The following INTS15 variants were observed in gnomAD, a reference collection of about 807,000 sequenced individuals.
INTS15 encodes integrator complex subunit 15.
chr7:6,590,267 GC>G, the INTS15 span: 2 of 1,501,780 alleles, frequency 1.3e-6, no homozygotes, highest in African/African-American at 2.9e-5. Flanking sequence ...CGGCGCGGGG[GC>G]CGCGGCGGCC....
At chr7:6,598,734 T>TG in the INTS15 span, among the ~76,000 whole-genome samples, 12 of 138,166 alleles carry the variant, frequency 8.7e-5, no homozygotes, top group African/African-American at 1.4e-4. Flanking sequence ...GGCTGTATGC[T>TG]TTGTGTGTGT....
At chr7:6,592,016 A>T in the INTS15 span, 4 of 653,486 alleles carry the variant, frequency 6.1e-6, no homozygotes, top group Non-Finnish European at 1.0e-5. Flanking sequence ...TACTAAAAAT[A>T]CAAAATTAGC....
chr7:6,596,785 T>G, the INTS15 span, among the ~76,000 whole-genome samples: 1 of 149,796 alleles, frequency 6.7e-6, no homozygotes, highest in Non-Finnish European at 1.5e-5. Context: ...TCTTTCTTTC[T>G]TGTTGTTTGT....
the INTS15 span, among the ~76,000 whole-genome samples, chr7:6,598,769 G>GTGTA: frequency 9.6e-6 from 1 of 104,392 alleles, no homozygotes; most frequent in Admixed American, 1.0e-4. Context: ...GTGTGTGTGT[G>GTGTA]TGTGTGTGTG....
chr7:6,591,114 G>A, the INTS15 span, among the ~76,000 whole-genome samples: 1 of 152,030 alleles, frequency 6.6e-6, no homozygotes, highest in South Asian at 2.1e-4. Flanking sequence ...GGAATTACAG[G>A]CGTGAGCCAC....
chr7:6,603,889 A>G, the INTS15 span, among the ~76,000 whole-genome samples: 3 of 151,966 alleles, frequency 2.0e-5, no homozygotes, highest in South Asian at 2.1e-4. Context: ...AATCCCAGCT[A>G]TTCATTCGGG....
chr7:6,593,702 A>G, the INTS15 span, among the ~76,000 whole-genome samples: 3 of 142,832 alleles, frequency 2.1e-5, no homozygotes, highest in Non-Finnish European at 4.5e-5. Context: ...GCTGGAGTGC[A>G]GTGGTGTGAC....
chr7:6,599,760 C>T, the INTS15 span: 3 of 1,502,126 alleles, frequency 2.0e-6, no homozygotes, highest in African/African-American at 4.1e-5. Flanking sequence ...GTCAGGCTTC[C>T]CTCTCTCCAC....
the INTS15 span, chr7:6,608,072 G>GGCCC: frequency 7.0e-6 from 11 of 1,580,424 alleles, no homozygotes; most frequent in Non-Finnish European, 9.5e-6. Context: ...GGCTGTCCCG[G>GGCCC]CCCACCCCGC....
the INTS15 span, among the ~76,000 whole-genome samples, chr7:6,601,562 C>T: frequency 4.6e-5 from 7 of 152,232 alleles, no homozygotes; most frequent in Admixed American, 2.0e-4. Flanking sequence ...TCCCAAAATG[C>T]TGGGATTACA....
the INTS15 span, among the ~76,000 whole-genome samples, chr7:6,606,591 C>T: frequency 2.6e-5 from 4 of 152,008 alleles, no homozygotes; most frequent in Non-Finnish European, 5.9e-5. Context: ...GAGGGGCGGG[C>T]AGAGCCCCTC....
chr7:6,607,511 C>T, the INTS15 span: 5 of 1,305,526 alleles, frequency 3.8e-6, no homozygotes, highest in South Asian at 1.2e-5. The surrounding 1 kb of genome is among the most constrained non-coding windows in gnomAD (Gnocchi z 6.0). Context: ...CCGAGGGGGC[C>T]GCACCGGACT....
the INTS15 span, among the ~76,000 whole-genome samples, chr7:6,598,982 C>T: frequency 6.6e-6 from 1 of 151,948 alleles, no homozygotes; most frequent in Non-Finnish European, 1.5e-5. Flanking sequence ...GAGACTGGGT[C>T]TCACTATGTT....
the INTS15 span, among the ~76,000 whole-genome samples, chr7:6,593,470 A>G: frequency 6.6e-6 from 1 of 151,360 alleles, no homozygotes; most frequent in African/African-American, 2.4e-5. Context: ...AGCTGGGACT[A>G]CAGGCGCCCA....
the INTS15 span, among the ~76,000 whole-genome samples, chr7:6,604,273 C>G: frequency 6.6e-6 from 1 of 152,068 alleles, no homozygotes; most frequent in Non-Finnish European, 1.5e-5. Context: ...TGTTTCATAC[C>G]GATGCAGTTA....
the INTS15 span, chr7:6,600,295 G>A: frequency 6.2e-7 from 1 of 1,614,148 alleles, no homozygotes; most frequent in Non-Finnish European, 8.5e-7. Context: ...AGCTCTCGCT[G>A]GACCGGCTGG....
At chr7:6,602,544 G>C in the INTS15 span, 1 of 405,756 alleles carries the variant, frequency 2.5e-6, no homozygotes, top group South Asian at 1.8e-5. Flanking sequence ...GCACGGACCT[G>C]GGTTCTGGGC....
chr7:6,600,372 G>A, the INTS15 span: 1 of 1,600,356 alleles, frequency 6.2e-7, no homozygotes. Flanking sequence ...TGCCTCCCTG[G>A]CCCAGGCCTC....
chr7:6,598,787 A>ATGTAT, the INTS15 span, among the ~76,000 whole-genome samples: 32 of 70,672 alleles, frequency 4.5e-4, 1 homozygote, highest in Admixed American at 5.4e-3. Flanking sequence ...GTGTGTGTGT[A>ATGTAT]TTTTTTTTTT....
Sources: gnomAD v4.1 joint callset for allele counts (sites outside exome capture counted in the v4.1 genomes callset) on GRCh38, gnomAD v4.1.1 for gene constraint, Gnocchi (gnomAD v3.1) non-coding constraint, MANE v1.5 for transcripts, NCBI Gene and HGNC (gene_info 2026-07-23, HGNC 2026-07-21) for gene names.